GNPTAB: variants seen among roughly 807,000 people sequenced by gnomAD.
GNPTAB encodes the protein N-acetylglucosamine-1-phosphate transferase subunits alpha and beta, also known as N-acetylglucosamine-1-phosphotransferase subunits alpha/beta.
Under a neutral mutation model 136.6 loss-of-function variants are expected in GNPTAB, and 92 were observed. That is an observed-to-expected ratio of 0.67 (90% CI 0.57 to 0.80). The LOEUF is 0.80. Ranked by LOEUF, GNPTAB falls within the 30% of genes least tolerant of loss-of-function variation. The probability of loss-of-function intolerance (pLI) is 0.00; values close to 1 mark genes in which losing one functional copy is unlikely to be tolerated. For missense variants in GNPTAB, 1,343 were observed against 1,501.8 expected, an observed-to-expected ratio of 0.89 and a Z score of 1.75; for synonymous variants, 512 against 535.1, an observed-to-expected ratio of 0.96 and a Z score of 0.60.
intron 10 of GNPTAB, 149 bp from the exon 11 acceptor site, chr12:101,768,309 A>T (rs1953124212): frequency 2.5e-6 from 2 of 814,196 alleles, no homozygotes; most frequent in Non-Finnish European, 3.9e-6. Context: ...CAAGTGCTTT[A>T]AGTTTGCCTG....
intron 19 of GNPTAB, 137 bp from the exon 20 acceptor site, chr12:101,749,328 C>A: frequency 1.4e-6 from 1 of 691,172 alleles, no homozygotes; most frequent in Non-Finnish European, 2.6e-6. Flanking sequence ...CTAAAATGCT[C>A]ACACAATATA....
chr12:101,796,102 G>T, intron 2 of GNPTAB: 1 of 635,338 alleles, frequency 1.6e-6, no homozygotes, highest in South Asian at 1.8e-5. Context: ...CAGCAAGAGT[G>T]ACCAATGGAG....
At chr12:101,826,981 G>A (rs1284646950) in intron 1 of GNPTAB, among the ~76,000 whole-genome samples, 4 of 82,406 alleles carry the variant, frequency 4.9e-5, no homozygotes, top group African/African-American at 1.9e-4. Context: ...TTTTTTTTGA[G>A]ACCAGGTCTA....
At chr12:101,753,889 C>G (rs1952860006) in intron 18 of GNPTAB, among the ~76,000 whole-genome samples, 1 of 152,186 alleles carries the variant, frequency 6.6e-6, no homozygotes, top group Non-Finnish European at 1.5e-5. Flanking sequence ...GCGGCTCACA[C>G]CTGTAATCCC....
At chr12:101,756,033 A>G (rs1408183828) in intron 18 of GNPTAB, among the ~76,000 whole-genome samples, 1 of 152,208 alleles carries the variant, frequency 6.6e-6, no homozygotes, top group Non-Finnish European at 1.5e-5. Context: ...TCCCATCAAA[A>G]TTGGTTCTTA....
chr12:101,748,370 A>G (rs776266060), intron 20 of GNPTAB, among the ~76,000 whole-genome samples: 6 of 152,328 alleles, frequency 3.9e-5, no homozygotes, highest in Admixed American at 6.5e-5. Context: ...AGTCACCTTG[A>G]TTGGAGGCAG....
chr12:101,816,621 T>A (rs900012067), intron 1 of GNPTAB, among the ~76,000 whole-genome samples: 1 of 152,226 alleles, frequency 6.6e-6, no homozygotes, highest in Non-Finnish European at 1.5e-5. Flanking sequence ...ATAGCCACTA[T>A]GGAAAACACT....
At chr12:101,800,466 A>T (rs987084860) in intron 1 of GNPTAB, among the ~76,000 whole-genome samples, 1 of 151,876 alleles carries the variant, frequency 6.6e-6, no homozygotes, top group African/African-American at 2.4e-5. Context: ...CTTGTCTTAG[A>T]ACAAAATTAG....
At chr12:101,776,905 G>A (rs1393128409) in intron 7 of GNPTAB, among the ~76,000 whole-genome samples, 2 of 152,244 alleles carry the variant, frequency 1.3e-5, no homozygotes, top group Non-Finnish European at 2.9e-5. Flanking sequence ...GGGAACCTGC[G>A]AGGGCAAAGT....
chr12:101,819,033 CAG>C (rs1218334526), intron 1 of GNPTAB, among the ~76,000 whole-genome samples: 2 of 150,830 alleles, frequency 1.3e-5, no homozygotes, highest in Non-Finnish European at 3.0e-5. Context: ...TTTTTTGAGA[CAG>C]AGTCTCGCTC....
At chr12:101,798,370 TAAG>T (rs764255424) in intron 1 of GNPTAB, among the ~76,000 whole-genome samples, 6 of 152,112 alleles carry the variant, frequency 3.9e-5, no homozygotes, top group African/African-American at 7.2e-5. Flanking sequence ...CCACTGCCCC[TAAG>T]AAGTGGCCCT....
At chr12:101,794,130 A>ACC (rs1390639001) in intron 2 of GNPTAB, among the ~76,000 whole-genome samples, 1 of 152,204 alleles carries the variant, frequency 6.6e-6, no homozygotes, top group African/African-American at 2.4e-5. Flanking sequence ...GGCGTGAGCC[A>ACC]CCGTGCCTGG....
chr12:101,819,143 C>T (rs2058121), intron 1 of GNPTAB, among the ~76,000 whole-genome samples: 26,895 of 151,948 alleles, frequency 0.18, 2,437 homozygotes, highest in South Asian at 0.22. Flanking sequence ...TCCCAAGTAT[C>T]TGGGATTACA....
At chr12:101,825,947 ACGGTCCCCACTCTCAGGCCAGG>A (rs1270696915) in intron 1 of GNPTAB, among the ~76,000 whole-genome samples, 1 of 152,186 alleles carries the variant, frequency 6.6e-6, no homozygotes, top group African/African-American at 2.4e-5. Flanking sequence ...AGCAGGCCAG[ACGGTCCCCACTCTCAGGCCAGG>A]CCTCTTTCTA....
In GNPTAB at chr12:101,813,405, A is replaced by G. The variant is rs533180421; in HGVS notation, c.118-16643T>C. Among the ~76,000 whole-genome samples the G allele has an allele frequency of 3.5e-4, 54 of 152,314 alleles. No homozygotes were observed. In the South Asian group the frequency reaches 0.011, roughly 31 times the overall value. On this transcript the variant is annotated intron_variant, in intron 1 of 20. Transcript: ENST00000299314. ...TGGTAACCTGATACAGGCTCTTCAG[A>G]GAAGTGGGTAGGGTGCTACATTTAG...
At chr12:101,820,072 A>G (rs1870716160) in intron 1 of GNPTAB, among the ~76,000 whole-genome samples, 1 of 152,172 alleles carries the variant, frequency 6.6e-6, no homozygotes, top group Non-Finnish European at 1.5e-5. Flanking sequence ...CAATCCTGAG[A>G]TGGGACAGTT....
intron 7 of GNPTAB, chr12:101,779,866 T>C: frequency 2.3e-6 from 1 of 441,128 alleles, no homozygotes; most frequent in Non-Finnish European, 4.2e-6. Context: ...TCTCGGAAGC[T>C]AAGCAGGGTT....
intron 7 of GNPTAB, among the ~76,000 whole-genome samples, chr12:101,776,544 C>T (rs1953264617): frequency 1.3e-5 from 2 of 152,202 alleles, no homozygotes; most frequent in Non-Finnish European, 2.9e-5. Context: ...TCCTACACTC[C>T]TGCCTCAGTT....
At chr12:101,771,285 C>T (rs867925082) in intron 7 of GNPTAB, 128 bp from the exon 8 acceptor site, 10 of 845,706 alleles carry the variant, frequency 1.2e-5, no homozygotes, top group Middle Eastern at 7.0e-4. Flanking sequence ...CGCTCTGTCG[C>T]CAGGCTGGAG....
Sources: allele counts gnomAD v4.1 joint callset (sites outside exome capture counted in the v4.1 genomes callset), GRCh38; gene constraint gnomAD v4.1.1; transcripts MANE v1.5; gene names NCBI Gene and HGNC (gene_info 2026-07-23, HGNC 2026-07-21).